LSAMP: variants seen among roughly 807,000 people sequenced by gnomAD.
LSAMP encodes the protein limbic system-associated membrane protein.
A neutral mutation model predicts 38.6 loss-of-function variants in LSAMP; 7 were observed. The observed-to-expected ratio is 0.18, with a 90% CI of 0.10 to 0.34. The LOEUF (loss-of-function observed/expected upper bound fraction) is 0.34. Among genes scored for constraint, LSAMP ranks in the 10% least tolerant of loss-of-function variants. The pLI is 1.00. For missense variants in LSAMP, 313 were observed against 420.0 expected, an observed-to-expected ratio of 0.75 and a Z score of 2.23; for synonymous variants, 154 against 166.8, an observed-to-expected ratio of 0.92 and a Z score of 0.59.
intron 1 of LSAMP, among the ~76,000 whole-genome samples, chr3:116,423,411 G>C (rs552794046): frequency 1.3e-5 from 2 of 152,230 alleles, no homozygotes; most frequent in South Asian, 2.1e-4. Flanking sequence ...CTAGAGTCTA[G>C]ATCCAATTAA....
At position 115,983,404 on chromosome 3, in the gene LSAMP, T is replaced by C. The variant is rs147961981; in HGVS notation, c.514+36111A>G. Among the ~76,000 whole-genome samples, 1,112 of 152,162 alleles carry C rather than the reference T, an allele frequency of 7.3e-3. 5 individuals are homozygous for C. The highest frequency in any genetic ancestry group is 0.01 in the South Asian group (49 of 4,812). ...CTGGTATGGTGGTGCACACCTGTAG[T>C]CCCAGCTACTTGAGGCTGAGGTGAG... On this transcript the variant is annotated intron_variant, in intron 3 of 6. Coordinates refer to ENST00000490035, the MANE Select transcript of LSAMP (RefSeq NM_002338.5).
intron 1 of LSAMP, among the ~76,000 whole-genome samples, chr3:116,249,422 G>C (rs900506336): frequency 8.0e-5 from 12 of 150,456 alleles, no homozygotes; most frequent in African/African-American, 1.2e-4. Flanking sequence ...GTCTCACTCT[G>C]TCATCCAGAC....
intron 1 of LSAMP, among the ~76,000 whole-genome samples, chr3:116,198,808 C>T (rs1328458556): frequency 4.3e-5 from 6 of 139,650 alleles, no homozygotes; most frequent in Middle Eastern, 5.6e-3. Flanking sequence ...CTGGGCGCAG[C>T]GGCTCATGCC....
At chr3:116,240,808 A>C (rs1406893030) in intron 1 of LSAMP, among the ~76,000 whole-genome samples, 1 of 152,254 alleles carries the variant, frequency 6.6e-6, no homozygotes, top group African/African-American at 2.4e-5. Flanking sequence ...GATAAAACAA[A>C]TAATAGCATT....
At chr3:116,128,914 CTGAGT>C (rs1709066189) in intron 1 of LSAMP, among the ~76,000 whole-genome samples, 2 of 151,996 alleles carry the variant, frequency 1.3e-5, no homozygotes, top group Admixed American at 6.6e-5. Flanking sequence ...CATATATTAC[CTGAGT>C]TAAGTAAAAA....
At chr3:115,906,548 GC>G (rs1937012371) in intron 3 of LSAMP, among the ~76,000 whole-genome samples, 2 of 152,062 alleles carry the variant, frequency 1.3e-5, no homozygotes, top group African/African-American at 4.8e-5. Flanking sequence ...AAGAAGGGAG[GC>G]AAAAAGGAAG....
rs1170325465 is a variant in LSAMP, at chr3:115,930,002, G to GTTTTTTTTTTT, written c.515-77396_515-77386dup. On this transcript the variant is annotated intron_variant, in intron 3 of 6. Transcript: ENST00000490035. ...ATCCAGATCTATAAATTTAGCAGAAGTTTTTTTTTTTTTTTTTTTTTTTTG... is the reference window on the plus strand; with the variant it reads ...ATCCAGATCTATAAATTTAGCAGAAGTTTTTTTTTTTTTTTTTTTTTTTTTTTTTTTTTTTG... Among the ~76,000 whole-genome samples the GTTTTTTTTTTT allele has an allele frequency of 7.1e-4, 57 of 80,294 alleles. 11 individuals are homozygous for GTTTTTTTTTTT. The highest frequency in any genetic ancestry group is 2.2e-3 in the South Asian group (4 of 1,802). 52.7% of individuals were successfully genotyped at this position (80,294 alleles called of 152,430 possible).
chr3:116,247,843 C>A (rs949799117), intron 1 of LSAMP, among the ~76,000 whole-genome samples: 2 of 152,102 alleles, frequency 1.3e-5, no homozygotes, highest in Admixed American at 6.5e-5. Flanking sequence ...TTTATCAGGC[C>A]ATATTGACTC....
intron 1 of LSAMP, among the ~76,000 whole-genome samples, chr3:116,145,375 C>T (rs1040264506): frequency 6.6e-6 from 1 of 151,730 alleles, no homozygotes; most frequent in African/African-American, 2.4e-5. Context: ...TGACCCACAC[C>T]ATTGTGCTGT....
Position 115,808,108 on chromosome 3 carries a change from T to TCCTACCTCCCTC in LSAMP, c.*2208_*2209insGAGGGAGGTAGG. 1 of 44,452 alleles carries TCCTACCTCCCTC rather than the reference T, an allele frequency of 2.2e-5. No homozygotes were observed. The highest frequency in any genetic ancestry group is 6.3e-4 in the East Asian group (1 of 1,590). The allele number at this position is 44,452 out of a possible 1,614,324, so 2.8% of individuals were successfully genotyped here. On this transcript the variant is annotated 3_prime_UTR_variant, in exon 7 of 7. Coordinates refer to ENST00000490035, the MANE Select transcript of LSAMP (RefSeq NM_002338.5). ...CTCCTTCCTTCCTTCCTTCCTTCCT[T>TCCTACCTCCCTC]CCTCCCTCCCTCCCTCCCTCCCTCC...
At chr3:116,078,991 G>C (rs1439060652) in intron 2 of LSAMP, among the ~76,000 whole-genome samples, 1 of 152,070 alleles carries the variant, frequency 6.6e-6, no homozygotes, top group Non-Finnish European at 1.5e-5. Context: ...GAAGGGCAGG[G>C]TTAGGAAATA....
chr3:116,272,730 AC>A (rs2046991034), intron 1 of LSAMP, among the ~76,000 whole-genome samples: 1 of 152,192 alleles, frequency 6.6e-6, no homozygotes, highest in Non-Finnish European at 1.5e-5. Context: ...GGTTCAGGAT[AC>A]ACAAATAATG....
chr3:116,254,621 A>G (rs1178437503), intron 1 of LSAMP, among the ~76,000 whole-genome samples: 1 of 152,148 alleles, frequency 6.6e-6, no homozygotes, highest in Non-Finnish European at 1.5e-5. Flanking sequence ...CTAGAACTCA[A>G]GCTTAAAAGT....
chr3:115,993,466 T>C (rs535701581), intron 3 of LSAMP, among the ~76,000 whole-genome samples: 2 of 152,116 alleles, frequency 1.3e-5, no homozygotes, highest in East Asian at 3.9e-4. Context: ...GTTCAGATAA[T>C]CTTATTAACA....
At chr3:116,238,638 T>G (rs1463097071) in intron 1 of LSAMP, among the ~76,000 whole-genome samples, 1 of 152,134 alleles carries the variant, frequency 6.6e-6, no homozygotes, top group Admixed American at 6.5e-5. Context: ...TTCATCATGG[T>G]AGTAGAGTCT....
chr3:116,268,738 T>A (rs1331905559), intron 1 of LSAMP, among the ~76,000 whole-genome samples: 1 of 152,094 alleles, frequency 6.6e-6, no homozygotes, highest in African/African-American at 2.4e-5. Context: ...AATTTTAAAG[T>A]ATATAATTTG....
chr3:116,317,566 A>G (rs1328377295), intron 1 of LSAMP, among the ~76,000 whole-genome samples: 4 of 151,694 alleles, frequency 2.6e-5, no homozygotes, highest in African/African-American at 4.8e-5. Flanking sequence ...CGTGTTAGCT[A>G]GGATAGTCTT....
In LSAMP at chr3:116,369,134, G is replaced by GA. The variant is rs796166742; in HGVS notation, c.155+75742dup. 3.3e-3 allele frequency among the ~76,000 whole-genome samples: 476 copies of GA among 142,166 alleles called. 2 individuals carry two copies. The highest frequency in any genetic ancestry group is 0.011 in the Middle Eastern group (3 of 268). 93.3% of individuals were successfully genotyped at this position (142,166 alleles called of 152,430 possible). On this transcript the variant is annotated intron_variant, in intron 1 of 6. Transcript: ENST00000490035. Reference sequence around the variant, plus strand: ...AGCTTTTCCATAAAGAAGAAAGCAAGAAAAAAAAAAAGAGAAGATTGATCC... The same window carrying GA: ...AGCTTTTCCATAAAGAAGAAAGCAAGAAAAAAAAAAAAGAGAAGATTGATCC...
intron 1 of LSAMP, among the ~76,000 whole-genome samples, chr3:116,319,343 G>A (rs971405098): frequency 2.0e-5 from 3 of 152,070 alleles, no homozygotes; most frequent in African/African-American, 7.2e-5. Flanking sequence ...ACTACGTCAG[G>A]CATCACCCCA....
Sources: allele counts gnomAD v4.1 joint callset (sites outside exome capture counted in the v4.1 genomes callset), GRCh38; gene constraint gnomAD v4.1.1; transcripts MANE v1.5; gene names NCBI Gene and HGNC (gene_info 2026-07-23, HGNC 2026-07-21).